Variants in SYNPR observed in about 807,000 individuals in gnomAD.
SYNPR encodes the protein synaptoporin.
In SYNPR, 23 loss-of-function variants were observed where a neutral mutation model predicts 32.9. That is an observed-to-expected ratio of 0.70 (90% CI 0.50 to 0.99). SYNPR has a LOEUF of 0.99. SYNPR is among the 50% of genes least tolerant of loss of function. The probability of loss-of-function intolerance (pLI) is 0.00; values close to 1 mark genes in which losing one functional copy is unlikely to be tolerated. For missense variants in SYNPR, 318 were observed against 349.3 expected, an observed-to-expected ratio of 0.91 and a Z score of 0.71; for synonymous variants, 146 against 135.9, an observed-to-expected ratio of 1.07 and a Z score of -0.52.
chr3:63,299,646 G>A (rs1412940171), intron 2 of SYNPR, among the ~76,000 whole-genome samples: 1 of 152,110 alleles, frequency 6.6e-6, no homozygotes, highest in African/African-American at 2.4e-5. Flanking sequence ...CCAATGTTGT[G>A]GGGAAGGCAG....
chr3:63,452,189 C>CCTG, intron 2 of SYNPR: 1 of 664,558 alleles, frequency 1.5e-6, no homozygotes, highest in Non-Finnish European at 2.8e-6. Flanking sequence ...CTATGTAATA[C>CCTG]TGAGCAGCCA....
chr3:63,394,328 C>T (rs1380612478), intron 2 of SYNPR, among the ~76,000 whole-genome samples: 2 of 152,166 alleles, frequency 1.3e-5, no homozygotes, highest in Admixed American at 6.5e-5. Context: ...CAGAGCCTAA[C>T]TTTAACCTTA....
intron 3 of SYNPR, among the ~76,000 whole-genome samples, chr3:63,271,119 T>C (rs946860598): frequency 1.3e-5 from 2 of 152,070 alleles, no homozygotes; most frequent in Admixed American, 6.6e-5. Flanking sequence ...GAAGAACCTA[T>C]GTAATTGTAC....
intron 2 of SYNPR, among the ~76,000 whole-genome samples, chr3:63,382,257 G>A (rs920020075): frequency 6.6e-6 from 1 of 152,142 alleles, no homozygotes; most frequent in Non-Finnish European, 1.5e-5. Context: ...TTCTCCCAGG[G>A]CCATTGTTAC....
intron 2 of SYNPR, among the ~76,000 whole-genome samples, chr3:63,258,021 C>G (rs1230791281): frequency 6.6e-6 from 1 of 152,180 alleles, no homozygotes; most frequent in East Asian, 1.9e-4. Flanking sequence ...GAAGAGCTAA[C>G]TATCCTAAAT....
intron 3 of SYNPR, among the ~76,000 whole-genome samples, chr3:63,540,112 T>G (rs1702272630): frequency 6.6e-6 from 1 of 152,172 alleles, no homozygotes; most frequent in Admixed American, 6.5e-5. Flanking sequence ...ATAATAGTAT[T>G]TATTAAACAC....
chr3:63,520,577 G>GC (rs1701889244), intron 3 of SYNPR, among the ~76,000 whole-genome samples: 2 of 151,834 alleles, frequency 1.3e-5, no homozygotes, highest in Non-Finnish European at 2.9e-5. Flanking sequence ...GGAGGTTGAG[G>GC]CAGAAGAATC....
At chr3:63,605,095 T>A (rs1559549191) in intron 4 of SYNPR, among the ~76,000 whole-genome samples, 1 of 152,186 alleles carries the variant, frequency 6.6e-6, no homozygotes, top group Non-Finnish European at 1.5e-5. Context: ...AATGCTTGCA[T>A]CCATGGAACT....
intron 4 of SYNPR, among the ~76,000 whole-genome samples, chr3:63,585,319 A>G (rs1703164715): frequency 6.6e-6 from 1 of 152,118 alleles, no homozygotes; most frequent in Non-Finnish European, 1.5e-5. Flanking sequence ...ATGAAAACCA[A>G]GGAAATATAT....
At chr3:63,458,929 C>T (rs1370916657) in intron 2 of SYNPR, among the ~76,000 whole-genome samples, 2 of 152,030 alleles carry the variant, frequency 1.3e-5, no homozygotes, top group Non-Finnish European at 2.9e-5. Context: ...TTACACTCTC[C>T]TCTCCCCACT....
At chr3:63,328,041 G>A (rs1293519919) in intron 2 of SYNPR, among the ~76,000 whole-genome samples, 1 of 152,142 alleles carries the variant, frequency 6.6e-6, no homozygotes, top group Non-Finnish European at 1.5e-5. Flanking sequence ...TTATTTAAAT[G>A]AGGAATGCCA....
rs190435348 is a variant in SYNPR at position 63,540,811 on chromosome 3, G to A, written c.210-15732G>A. ...CATACAGAAGACATGTGTTATTTCC[G>A]TTTTTTAGTATTGAACCCTTCTTTT... is the stretch of plus-strand genomic sequence containing the variant. On this transcript the variant is annotated intron_variant, in intron 3 of 5. Transcript: ENST00000478300. Among the ~76,000 whole-genome samples the A allele has an allele frequency of 2.7e-3, 405 of 151,198 alleles. 1 individual carries two copies. The highest frequency in any genetic ancestry group is 9.2e-3 in the African/African-American group (380 of 41,192).
chr3:63,506,531 C>A (rs1217888768), intron 3 of SYNPR, among the ~76,000 whole-genome samples: 1 of 152,118 alleles, frequency 6.6e-6, no homozygotes, highest in East Asian at 1.9e-4. Flanking sequence ...TTGAGAAACA[C>A]CATTTACTGG....
intron 5 of SYNPR, 104 bp downstream of exon 5, chr3:63,609,420 A>T (rs79425913): frequency 0.062 from 65,318 of 1,059,070 alleles, 2,805 homozygotes; most frequent in East Asian, 0.17. Flanking sequence ...TGCCTACAAA[A>T]CTAGGCCAAT....
chr3:63,250,169 C>G lies in SYNPR; in HGVS notation n.67-2330C>G, dbSNP rs182324859. Among the ~76,000 whole-genome samples the G allele has an allele frequency of 2.0e-4, 30 of 151,946 alleles. No homozygotes were observed. The East Asian group carries it at 5.8e-3, about 29-fold the overall frequency. On this transcript the variant is annotated intron_variant and non_coding_transcript_variant, in intron 1 of 4. Transcript: ENST00000478456. ...AAATCATTGTATATTTTCAAAAAAG[C>G]TGGAAGAAAGAATTATGAATGTTCA...
intron 2 of SYNPR, among the ~76,000 whole-genome samples, chr3:63,347,275 G>A (rs1265254367): frequency 1.4e-4 from 21 of 152,134 alleles, no homozygotes; most frequent in Admixed American, 1.3e-3. Context: ...TGGCAATAAC[G>A]AATGCAAAGA....
At chr3:63,245,119 T>C (rs1356377604) in intron 1 of SYNPR, among the ~76,000 whole-genome samples, 1 of 152,138 alleles carries the variant, frequency 6.6e-6, no homozygotes, top group South Asian at 2.1e-4. Flanking sequence ...AGAAGCTTTA[T>C]TCTTTCCAAA....
At chr3:63,369,875 T>C (rs1478859314) in intron 2 of SYNPR, among the ~76,000 whole-genome samples, 3 of 152,198 alleles carry the variant, frequency 2.0e-5, no homozygotes, top group African/African-American at 7.2e-5. Flanking sequence ...TTGATTTGAG[T>C]TCATGAAGAC....
chr3:63,219,404 G>A, the SYNPR span, among the ~76,000 whole-genome samples: 1 of 152,168 alleles, frequency 6.6e-6, no homozygotes, highest in Admixed American at 6.5e-5. Flanking sequence ...TATACATCAT[G>A]GAGAGTTTGG....
Sources: allele counts gnomAD v4.1 joint callset (sites outside exome capture counted in the v4.1 genomes callset), GRCh38; gene constraint gnomAD v4.1.1; transcripts MANE v1.5; gene names NCBI Gene and HGNC (gene_info 2026-07-23, HGNC 2026-07-21).